The following ROR1 variants were observed in gnomAD, a reference collection of about 807,000 sequenced individuals.
ROR1 encodes ROR family WNT receptor 1.
A neutral mutation model predicts 78.8 loss-of-function variants in ROR1; 19 were observed. That is an observed-to-expected ratio of 0.24 (90% CI 0.17 to 0.35). The LOEUF (loss-of-function observed/expected upper bound fraction) is 0.35. Ranked by LOEUF, ROR1 falls within the 10% of genes least tolerant of loss-of-function variation. ROR1 has a pLI of 1.00. For synonymous variants in ROR1, 386 were observed against 433.6 expected (o/e 0.89, Z 1.36); for missense variants, 917 against 1,177.8 (o/e 0.78, Z 3.24).
At chr1:63,976,708 A>G (rs1446875180) in intron 1 of ROR1, among the ~76,000 whole-genome samples, 1 of 152,194 alleles carries the variant, frequency 6.6e-6, no homozygotes, top group African/African-American at 2.4e-5. Context: ...TCAAATGGAT[A>G]TAGGAAAATG....
intron 1 of ROR1, among the ~76,000 whole-genome samples, chr1:63,950,444 C>T (rs1223340051): frequency 6.6e-6 from 1 of 152,188 alleles, no homozygotes; most frequent in Non-Finnish European, 1.5e-5. Flanking sequence ...TATGGTAATG[C>T]ATTATAATTC....
intron 1 of ROR1, among the ~76,000 whole-genome samples, chr1:63,943,650 C>T (rs1452106762): frequency 1.3e-5 from 2 of 152,228 alleles, no homozygotes; most frequent in Non-Finnish European, 2.9e-5. Flanking sequence ...TGGTTAACTG[C>T]TCCCCGCCAC....
At position 63,903,260 on chromosome 1, in the gene ROR1, C is replaced by T. The variant is rs1645500356; in HGVS notation, c.92-106045C>T. On this transcript the variant is annotated intron_variant, in intron 1 of 8. Coordinates refer to ENST00000371079, the MANE Select transcript of ROR1 (RefSeq NM_005012.4). ...AGCTAACTTTTTTGAATGCACCCTC[C>T]CTGCCTTTTCTTCATTAAATCTTCA... Among the ~76,000 whole-genome samples the T allele has an allele frequency of 3.9e-5, 6 of 152,060 alleles. No individual in the cohort carries two copies. In the South Asian group the frequency reaches 1.2e-3, roughly 32 times the overall value.
At chr1:63,891,774 A>G (rs1383896438) in intron 1 of ROR1, among the ~76,000 whole-genome samples, 2 of 152,066 alleles carry the variant, frequency 1.3e-5, no homozygotes, top group Non-Finnish European at 2.9e-5. Flanking sequence ...GACATCAAAG[A>G]TCCTAGTTCT....
At chr1:64,075,214 T>C (rs1263130559) in intron 4 of ROR1, among the ~76,000 whole-genome samples, 1 of 152,164 alleles carries the variant, frequency 6.6e-6, no homozygotes. Context: ...CTAAAATGTT[T>C]TAAATTTAAT....
At chr1:64,129,742 T>G (rs1648845697) in intron 4 of ROR1, among the ~76,000 whole-genome samples, 1 of 152,222 alleles carries the variant, frequency 6.6e-6, no homozygotes, top group African/African-American at 2.4e-5. Context: ...ACTAGTGCAG[T>G]CCTATCATTT....
At chr1:64,001,694 G>A (rs1188906188) in intron 1 of ROR1, among the ~76,000 whole-genome samples, 1 of 152,078 alleles carries the variant, frequency 6.6e-6, no homozygotes, top group Non-Finnish European at 1.5e-5. Context: ...AGTATTTCCA[G>A]CACCTTCCCA....
intron 1 of ROR1, among the ~76,000 whole-genome samples, chr1:63,884,453 C>G (rs1645343679): frequency 6.6e-6 from 1 of 152,096 alleles, no homozygotes; most frequent in South Asian, 2.1e-4. Flanking sequence ...GGTCATCAAG[C>G]CTGACCCCTT....
chr1:63,790,131 AT>A (rs1175823559), intron 1 of ROR1, among the ~76,000 whole-genome samples: 67 of 152,220 alleles, frequency 4.4e-4, no homozygotes, highest in African/African-American at 1.6e-3. Flanking sequence ...CTTCATTATA[AT>A]TTGTCATTGA....
intron 1 of ROR1, among the ~76,000 whole-genome samples, chr1:63,966,228 G>A (rs1264353136): frequency 6.6e-6 from 1 of 152,130 alleles, no homozygotes; most frequent in Non-Finnish European, 1.5e-5. Context: ...TGGAGATGCC[G>A]CTCTCTTGGT....
intron 2 of ROR1, among the ~76,000 whole-genome samples, chr1:64,040,638 A>T (rs1646738880): frequency 6.6e-6 from 1 of 152,152 alleles, no homozygotes; most frequent in African/African-American, 2.4e-5. Flanking sequence ...CTCCCTGTTG[A>T]GGGCTCATTT....
At chr1:63,892,657 T>C (rs1645406621) in intron 1 of ROR1, among the ~76,000 whole-genome samples, 1 of 152,180 alleles carries the variant, frequency 6.6e-6, no homozygotes, top group African/African-American at 2.4e-5. Flanking sequence ...CCCATGCTTA[T>C]GGAAGTCCAT....
At chr1:64,115,990 A>G (rs920452500) in intron 4 of ROR1, among the ~76,000 whole-genome samples, 4 of 152,234 alleles carry the variant, frequency 2.6e-5, no homozygotes, top group South Asian at 2.1e-4. Flanking sequence ...GTGCCGGATC[A>G]TGAAAGATCG....
At chr1:63,946,915 A>G (rs1462069738) in intron 1 of ROR1, among the ~76,000 whole-genome samples, 1 of 152,014 alleles carries the variant, frequency 6.6e-6, no homozygotes, top group Non-Finnish European at 1.5e-5. Flanking sequence ...GCTTCACCAG[A>G]CCTCTGACCC....
intron 1 of ROR1, among the ~76,000 whole-genome samples, chr1:63,851,269 C>G (rs149990339): frequency 2.6e-5 from 4 of 152,158 alleles, no homozygotes; most frequent in African/African-American, 9.7e-5. Flanking sequence ...TGAGCCACTG[C>G]GCCCGGCCGC....
intron 1 of ROR1, chr1:63,843,470 C>G: frequency 3.9e-6 from 3 of 765,366 alleles, no homozygotes; most frequent in Non-Finnish European, 7.0e-6. Context: ...CTGGCAGCAT[C>G]CTGACAAAGG....
At position 63,808,354 on chromosome 1, in the gene ROR1, C is replaced by T. The variant is rs115395219; in HGVS notation, c.91+33846C>T. ...CAACAAAGTGGAAGGAGCCTGGGTCCTCATCCTTGCTGAGCTGTTGCCATG... is the reference window on the plus strand; with the variant it reads ...CAACAAAGTGGAAGGAGCCTGGGTCTTCATCCTTGCTGAGCTGTTGCCATG... On this transcript the variant is annotated intron_variant, in intron 1 of 8. Coordinates refer to ENST00000371079, the MANE Select transcript of ROR1 (RefSeq NM_005012.4). 3.9e-3 allele frequency among the ~76,000 whole-genome samples: 597 copies of T among 152,304 alleles called. 3 individuals are homozygous for T. The highest frequency in any genetic ancestry group is 0.014 in the African/African-American group (576 of 41,548).
chr1:63,911,470 G>T (rs1187407539), intron 1 of ROR1, among the ~76,000 whole-genome samples: 3 of 152,138 alleles, frequency 2.0e-5, no homozygotes, highest in African/African-American at 7.2e-5. Flanking sequence ...TCTCATAGAA[G>T]TGCAAACCCT....
At chr1:63,849,135 A>G (rs1192559760) in intron 1 of ROR1, among the ~76,000 whole-genome samples, 3 of 152,176 alleles carry the variant, frequency 2.0e-5, no homozygotes, top group Non-Finnish European at 1.5e-5. Context: ...TTCTTTGCCC[A>G]CTAGTTTTCA....
Sources: gnomAD v4.1 joint callset for allele counts (sites outside exome capture counted in the v4.1 genomes callset) on GRCh38, gnomAD v4.1.1 for gene constraint, MANE v1.5 for transcripts, NCBI Gene and HGNC (gene_info 2026-07-23, HGNC 2026-07-21) for gene names.